The following KDM6A variants were observed in gnomAD, a reference collection of about 807,000 sequenced individuals.
KDM6A encodes the protein lysine-specific demethylase 6A.
A neutral mutation model predicts 117.6 loss-of-function variants in KDM6A; 11 were observed. The observed-to-expected ratio is 0.09, with a 90% CI of 0.06 to 0.15. KDM6A has a LOEUF of 0.15. Among genes scored for constraint, KDM6A ranks in the 10% least tolerant of loss-of-function variants. The probability of loss-of-function intolerance (pLI) is 1.00; values close to 1 mark genes in which losing one functional copy is unlikely to be tolerated. For synonymous variants in KDM6A, 384 were observed against 396.1 expected, an observed-to-expected ratio of 0.97 and a Z score of 0.36; for missense variants, 799 against 1,077.3, an observed-to-expected ratio of 0.74 and a Z score of 3.62.
chrX:45,014,606 C>G (rs1197902480), intron 5 of KDM6A, among the ~76,000 whole-genome samples: 1 of 111,959 alleles, frequency 8.9e-6, no homozygotes, highest in Non-Finnish European at 1.9e-5. Context: ...TAAGGTGGCT[C>G]TTTGCTAGGG....
At chrX:45,040,650 G>T (rs1259491567) in intron 8 of KDM6A, among the ~76,000 whole-genome samples, 8 of 84,018 alleles carry the variant, frequency 9.5e-5, no homozygotes, top group Non-Finnish European at 1.4e-4. Context: ...CCTCCCGGAC[G>T]GGGCGGCTGG....
chrX:44,988,771 T>G lies in KDM6A; in HGVS notation c.384+14056T>G, dbSNP rs777678469. Among the ~76,000 whole-genome samples the G allele has an allele frequency of 2.7e-5, 3 of 110,354 alleles. No individual in the cohort carries two copies. In the Admixed American group the frequency reaches 2.9e-4, roughly 11 times the overall value. ...TGCTGCCTGATCGTTCCTCTGGAAG[T>G]TTTGTCTCACAGGAGTACCCGGTCA... On this transcript the variant is annotated intron_variant, in intron 4 of 29. Transcript: ENST00000611820.
intron 4 of KDM6A, among the ~76,000 whole-genome samples, chrX:44,988,027 C>T (rs933597048): frequency 1.8e-5 from 2 of 111,939 alleles, no homozygotes; most frequent in African/African-American, 3.3e-5. Context: ...CCATTCTCCC[C>T]GTCACTTTCA....
At chrX:44,989,253 G>A (rs1479917555) in intron 4 of KDM6A, among the ~76,000 whole-genome samples, 1 of 100,922 alleles carries the variant, frequency 9.9e-6, no homozygotes, top group East Asian at 3.1e-4. Context: ...TGTTGGAAAA[G>A]CGCAGTATTA....
chrX:44,885,981 A>C (rs925170648), intron 2 of KDM6A, among the ~76,000 whole-genome samples: 2 of 111,221 alleles, frequency 1.8e-5, no homozygotes, highest in African/African-American at 3.3e-5. Context: ...TCTGTTAGAT[A>C]TTTTTATCAC....
intron 25 of KDM6A, among the ~76,000 whole-genome samples, chrX:45,088,159 TATAG>T (rs1295761474): frequency 8.9e-6 from 1 of 111,931 alleles, no homozygotes; most frequent in Admixed American, 9.5e-5. Flanking sequence ...GATTTGTGTC[TATAG>T]CCATTTTTTG....
chrX:44,933,260 A>ATTTTT (rs56098621), intron 2 of KDM6A, among the ~76,000 whole-genome samples: 26 of 36,525 alleles, frequency 7.1e-4, no homozygotes, highest in East Asian at 1.1e-3. Context: ...GTTTATGTTG[A>ATTTTT]TTTTTTTTTT....
At position 45,090,990 on chromosome X, in the gene KDM6A, T is replaced by A. The variant is rs906860035; in HGVS notation, c.4034+126T>A. ...TGGTGCAAAAGTCTAGCAGAATGTA[T>A]TATGAGAATCCACATGTTAAAAATA... On this transcript the variant is annotated intron_variant, in intron 27 of 29. Transcript: ENST00000611820. 8 of 700,286 alleles carry A rather than the reference T, an allele frequency of 1.1e-5. No individual in the cohort carries two copies. The African/African-American group carries it at 1.5e-4, about 13-fold the overall frequency. The allele number at this position is 700,286 out of a possible 1,213,427, so 57.7% of individuals were successfully genotyped here.
chrX:44,940,305 C>A (rs1320531176), intron 2 of KDM6A, among the ~76,000 whole-genome samples: 1 of 111,189 alleles, frequency 9.0e-6, no homozygotes. Flanking sequence ...CCGTCCGCCT[C>A]AGCCTCCCAA....
intron 28 of KDM6A, among the ~76,000 whole-genome samples, chrX:45,109,504 T>TC (rs1292476035): frequency 8.9e-6 from 1 of 111,923 alleles, no homozygotes; most frequent in Admixed American, 9.5e-5. Flanking sequence ...ATGGTCCATT[T>TC]CAAACCTTGA....
intron 6 of KDM6A, among the ~76,000 whole-genome samples, chrX:45,027,385 GA>G: frequency 9.3e-6 from 1 of 107,387 alleles, no homozygotes; most frequent in Non-Finnish European, 1.9e-5. Context: ...GTCTCTTAAA[GA>G]AAAAGTTATT....
chrX:45,023,719 T>C (rs1210840140), intron 6 of KDM6A, among the ~76,000 whole-genome samples: 1 of 111,431 alleles, frequency 9.0e-6, no homozygotes, highest in Non-Finnish European at 1.9e-5. Flanking sequence ...AGTGGTGATT[T>C]CTGTGATTTT....
chrX:45,040,734 A>C (rs1488791634), intron 8 of KDM6A, among the ~76,000 whole-genome samples: 6 of 38,000 alleles, frequency 1.6e-4, no homozygotes, highest in African/African-American at 2.4e-4. Context: ...TGACCCCCCC[A>C]CCTCCCTCCT....
In KDM6A at chrX:45,111,683, A is replaced by G. The variant is rs2046772462; in HGVS notation, c.*272A>G. ...CAAAACTGGCAACATCTTACAGACT[A>G]CTGACTTGAAGACAACCTCTTTTAT... On this transcript the variant is annotated 3_prime_UTR_variant, in exon 30 of 30. Transcript: ENST00000611820. The G allele has an allele frequency of 6.7e-6, 2 of 300,247 alleles. No homozygotes were observed. The highest frequency in any genetic ancestry group is 5.3e-5 in the Admixed American group (1 of 18,837). 24.7% of individuals were successfully genotyped at this position (300,247 alleles called of 1,213,427 possible).
chrX:45,038,491 T>C (rs1187825438), intron 8 of KDM6A, among the ~76,000 whole-genome samples: 1 of 110,683 alleles, frequency 9.0e-6, no homozygotes, highest in Non-Finnish European at 1.9e-5. Context: ...TAAAAAACTT[T>C]TAAATTTTAG....
chrX:45,103,202 ATAT>A (rs1295992150), intron 27 of KDM6A, among the ~76,000 whole-genome samples: 1 of 111,030 alleles, frequency 9.0e-6, no homozygotes, highest in Non-Finnish European at 1.9e-5. Context: ...ATGTAATATA[ATAT>A]TATTATGGCT....
intron 27 of KDM6A, chrX:45,106,574 A>C (rs1231532880): frequency 2.9e-6 from 1 of 341,212 alleles, no homozygotes; most frequent in Non-Finnish European, 5.9e-6. Context: ...TTTAGAGCTG[A>C]AAAGTGCCTT....
chrX:44,882,294 C>T (rs1327898916), intron 2 of KDM6A, among the ~76,000 whole-genome samples: 1 of 111,898 alleles, frequency 8.9e-6, no homozygotes, highest in Non-Finnish European at 1.9e-5. Context: ...AGTCCTGTTT[C>T]ATCTATATAT....
rs1159471766 is a variant in KDM6A, at chrX:44,879,590, A to G, written c.225+5603A>G. Among the ~76,000 whole-genome samples the G allele has an allele frequency of 4.4e-5, 5 of 112,498 alleles. No homozygotes were observed. In the Admixed American group the frequency reaches 4.7e-4, roughly 11 times the overall value. On this transcript the variant is annotated intron_variant, in intron 2 of 29. Coordinates refer to ENST00000611820, the MANE Select transcript of KDM6A (RefSeq NM_001291415.2). ...AATGTACACTATGTGCAAGCCTTCT[A>G]TGTAGATAGTATGAAGATAGCATAG...
Sources: allele counts gnomAD v4.1 joint callset (sites outside exome capture counted in the v4.1 genomes callset), GRCh38; gene constraint gnomAD v4.1.1; transcripts MANE v1.5; gene names NCBI Gene and HGNC (gene_info 2026-07-23, HGNC 2026-07-21).